ZNF267: variants seen among roughly 807,000 people sequenced by gnomAD.
The protein encoded by ZNF267 is zinc finger (C2H2).
Under a neutral mutation model 71.6 loss-of-function variants are expected in ZNF267, and 61 were observed. The observed-to-expected ratio is 0.85, with a 90% CI of 0.69 to 1.05. The LOEUF (loss-of-function observed/expected upper bound fraction) is 1.05. Among genes scored for constraint, ZNF267 ranks in the 50% least tolerant of loss-of-function variants. ZNF267 has a pLI of 0.00. For missense variants in ZNF267, 852 were observed against 870.0 expected, an observed-to-expected ratio of 0.98 and a Z score of 0.26; for synonymous variants, 288 against 293.2, an observed-to-expected ratio of 0.98 and a Z score of 0.18.
At chr16:31,876,452 C>G (rs1306735148) in intron 1 of ZNF267, among the ~76,000 whole-genome samples, 1 of 152,194 alleles carries the variant, frequency 6.6e-6, no homozygotes, top group Non-Finnish European at 1.5e-5. Flanking sequence ...CTCCTGGGCT[C>G]AAGTGATCCT....
chr16:31,884,709 A>G, intron 2 of ZNF267, 85 bp downstream of exon 2: 2 of 1,392,934 alleles, frequency 1.4e-6, no homozygotes, highest in South Asian at 2.9e-5. Flanking sequence ...TGTGCTTTGT[A>G]TGAGTTAGTT....
chr16:31,878,873 T>G (rs1358138700), intron 1 of ZNF267, among the ~76,000 whole-genome samples: 6 of 152,250 alleles, frequency 3.9e-5, no homozygotes, highest in Non-Finnish European at 7.3e-5. Context: ...TAGATCTGGC[T>G]GTTGTAAGAG....
intron 3 of ZNF267, among the ~76,000 whole-genome samples, chr16:31,907,426 C>T (rs1175515590): frequency 6.6e-6 from 1 of 152,062 alleles, no homozygotes; most frequent in Non-Finnish European, 1.5e-5. Context: ...ATCAAGTGTG[C>T]TGGGGATTTT....
chr16:31,882,952 T>C (rs2083900054), intron 1 of ZNF267, among the ~76,000 whole-genome samples: 2 of 152,246 alleles, frequency 1.3e-5, no homozygotes, highest in Admixed American at 6.5e-5. Context: ...CCATTTCTTT[T>C]TGGTTTCCCT....
chr16:31,900,713 G>C (rs978398413), intron 3 of ZNF267, among the ~76,000 whole-genome samples: 1 of 150,190 alleles, frequency 6.7e-6, no homozygotes, highest in African/African-American at 2.4e-5. Context: ...CAAAGTGCTG[G>C]GATTACAAGC....
chr16:31,891,406 G>A (rs772200239), intron 3 of ZNF267, among the ~76,000 whole-genome samples: 1 of 152,100 alleles, frequency 6.6e-6, no homozygotes, highest in African/African-American at 2.4e-5. Flanking sequence ...ATTTCACTAT[G>A]TATTTACCAT....
rs1415998173 is a variant in ZNF267, at chr16:31,909,127, T to C, written c.227-5349T>C. ...TTCTATTTCTTTTCTTTTCTTTTTT[T>C]TTTTTTTTTTTTTTTTTTTGACGTA... On this transcript the variant is annotated intron_variant, in intron 3 of 3. Transcript: ENST00000300870. 4.9e-5 allele frequency among the ~76,000 whole-genome samples: 6 copies of C among 123,710 alleles called. No homozygotes were observed. In the South Asian group the frequency reaches 1.1e-3, roughly 23 times the overall value. The allele number at this position is 123,710 out of a possible 152,430, so 81.2% of individuals were successfully genotyped here.
At position 31,916,090 on chromosome 16, in the gene ZNF267, G is replaced by A. The variant is rs1567240401; in HGVS notation, c.1841G>A (p.Ser614Asn). ...YTCKECGKAF[S>N]YSSDVIQHRR... ...TGTAAAGAATGTGGCAAAGCCTTTAGTTATAGTTCAGATGTTATTCAGCAT... is the reference window on the plus strand; with the variant it reads ...TGTAAAGAATGTGGCAAAGCCTTTAATTATAGTTCAGATGTTATTCAGCAT... The change falls in exon 4 of 4, where the codon AGT (serine) becomes AAT (asparagine). Residue 614 changes from serine to asparagine, a missense_variant. Transcript: ENST00000300870. The A allele has an allele frequency of 1.2e-6, 2 of 1,613,932 alleles. No individual in the cohort carries two copies. Among genetic ancestry groups the A allele is most frequent in the South Asian group, 1.1e-5 (1 of 91,066 alleles).
intron 3 of ZNF267, among the ~76,000 whole-genome samples, chr16:31,887,395 A>T (rs1038838602): frequency 1.3e-5 from 2 of 151,238 alleles, no homozygotes; most frequent in Non-Finnish European, 2.9e-5. Context: ...TGTTTCATTT[A>T]ATGCTACTTG....
intron 1 of ZNF267, among the ~76,000 whole-genome samples, chr16:31,874,688 C>T (rs1013931745): frequency 6.6e-6 from 1 of 152,164 alleles, no homozygotes; most frequent in South Asian, 2.1e-4. Flanking sequence ...TAACCACTTC[C>T]GTATAATCGC....
chr16:31,911,967 T>C (rs966282140), intron 3 of ZNF267: 1 of 151,728 alleles, frequency 6.6e-6, no homozygotes, highest in African/African-American at 2.4e-5. Context: ...TTAACTTTGC[T>C]TCCCCATTTT....
At chr16:31,884,738 G>A in intron 2 of ZNF267, 114 bp downstream of exon 2, 1 of 1,125,430 alleles carries the variant, frequency 8.9e-7, no homozygotes, top group Non-Finnish European at 1.2e-6. Flanking sequence ...TTGTTTTCAG[G>A]AAAAAAATAG....
intron 3 of ZNF267, among the ~76,000 whole-genome samples, chr16:31,911,030 T>C (rs2084131574): frequency 6.6e-6 from 1 of 151,656 alleles, no homozygotes; most frequent in South Asian, 2.1e-4. Context: ...TCTAGTTATA[T>C]TCCATTGTGG....
At chr16:31,911,713 T>C (rs1054973397) in intron 3 of ZNF267, 1 of 151,394 alleles carries the variant, frequency 6.6e-6, no homozygotes, top group African/African-American at 2.4e-5. Context: ...GTTATTTGTT[T>C]TTGCATCTTC....
chr16:31,901,045 G>C (rs1425676166), intron 3 of ZNF267, among the ~76,000 whole-genome samples: 3 of 152,162 alleles, frequency 2.0e-5, no homozygotes, highest in African/African-American at 7.2e-5. Context: ...GTGAGAACAT[G>C]CGGTGTTTCG....
At chr16:31,907,759 G>T (rs933980721) in intron 3 of ZNF267, among the ~76,000 whole-genome samples, 1 of 152,088 alleles carries the variant, frequency 6.6e-6, no homozygotes, top group African/African-American at 2.4e-5. Flanking sequence ...AAATATGGCT[G>T]GGCGCAGTGG....
intron 3 of ZNF267, among the ~76,000 whole-genome samples, chr16:31,901,714 G>A (rs1245856165): frequency 1.3e-5 from 2 of 151,606 alleles, no homozygotes; most frequent in Non-Finnish European, 1.5e-5. Flanking sequence ...AGATGAGTAG[G>A]TTGCAAAAAT....
chr16:31,877,785 T>G (rs139241999), intron 1 of ZNF267, among the ~76,000 whole-genome samples: 1 of 152,150 alleles, frequency 6.6e-6, no homozygotes, highest in African/African-American at 2.4e-5. Context: ...TCACAGCTAT[T>G]TACCAGGTTA....
chr16:31,893,580 G>A (rs933104813), intron 3 of ZNF267, among the ~76,000 whole-genome samples: 2 of 152,174 alleles, frequency 1.3e-5, no homozygotes, highest in Non-Finnish European at 2.9e-5. Context: ...CAGCACCCAA[G>A]TCACCTAGGT....
Sources: allele counts gnomAD v4.1 joint callset (sites outside exome capture counted in the v4.1 genomes callset), GRCh38; gene constraint gnomAD v4.1.1; transcripts MANE v1.5; gene names NCBI Gene and HGNC (gene_info 2026-07-23, HGNC 2026-07-21).